The following RYR2 variants were observed in gnomAD, a reference collection of about 807,000 sequenced individuals.
RYR2 encodes the protein cardiac muscle ryanodine receptor-calcium release channel.
Under a neutral mutation model 601.1 loss-of-function variants are expected in RYR2, and 227 were observed. The observed-to-expected ratio is 0.38, with a 90% CI of 0.34 to 0.42. The LOEUF (loss-of-function observed/expected upper bound fraction) is 0.42, where lower values mean the gene tolerates loss of function less well. Among genes scored for constraint, RYR2 ranks in the 10% least tolerant of loss-of-function variants. The probability of loss-of-function intolerance (pLI) is 1.00; values close to 1 mark genes in which losing one functional copy is unlikely to be tolerated. For missense variants in RYR2, 4,646 were observed against 6,156.5 expected (o/e 0.75, Z 8.21); for synonymous variants, 2,223 against 2,175.1 (o/e 1.02, Z -0.61).
intron 1 of RYR2, among the ~76,000 whole-genome samples, chr1:237,190,498 A>G (rs1443644120): frequency 6.6e-6 from 1 of 152,134 alleles, no homozygotes; most frequent in African/African-American, 2.4e-5. Context: ...CTGGGTATTA[A>G]TTCCTTATCA....
At chr1:237,246,736 A>G (rs1352817670) in intron 1 of RYR2, among the ~76,000 whole-genome samples, 1 of 151,784 alleles carries the variant, frequency 6.6e-6, no homozygotes, top group Non-Finnish European at 1.5e-5. Flanking sequence ...CTCTCCTTTC[A>G]TATATTTTTG....
At chr1:237,491,153 G>C (rs1045413643) in intron 17 of RYR2, among the ~76,000 whole-genome samples, 1 of 152,040 alleles carries the variant, frequency 6.6e-6, no homozygotes, top group African/African-American at 2.4e-5. Flanking sequence ...TTTTGTGGTG[G>C]CTAGTACCTA....
chr1:237,102,921 CAAAACCATTT>C (rs1183083290), intron 1 of RYR2, among the ~76,000 whole-genome samples: 1 of 152,104 alleles, frequency 6.6e-6, no homozygotes, highest in African/African-American at 2.4e-5. Context: ...TAAAACTTAT[CAAAACCATTT>C]AAAACGATAC....
intron 42 of RYR2, among the ~76,000 whole-genome samples, chr1:237,633,027 G>T (rs1218692130): frequency 6.6e-6 from 1 of 152,032 alleles, no homozygotes; most frequent in East Asian, 1.9e-4. Context: ...AAACATGCAG[G>T]CCTTCCAGTC....
chr1:237,373,937 A>G (rs1173083920), intron 6 of RYR2, among the ~76,000 whole-genome samples: 2 of 152,252 alleles, frequency 1.3e-5, no homozygotes, highest in Non-Finnish European at 2.9e-5. Context: ...ACTACATTGT[A>G]CTTTTGCAGA....
intron 35 of RYR2, among the ~76,000 whole-genome samples, chr1:237,609,949 A>G (rs559580731): frequency 1.3e-5 from 2 of 151,832 alleles, no homozygotes; most frequent in South Asian, 2.1e-4. Flanking sequence ...TTCCCCGCCT[A>G]TTGTTAGAGG....
At chr1:237,597,608 G>T (rs1474261229) in intron 34 of RYR2, among the ~76,000 whole-genome samples, 3 of 151,812 alleles carry the variant, frequency 2.0e-5, no homozygotes. Context: ...GCAACCAAAT[G>T]TATCAGCTTA....
intron 1 of RYR2, among the ~76,000 whole-genome samples, chr1:237,248,953 C>T (rs568604490): frequency 6.6e-5 from 10 of 152,086 alleles, no homozygotes; most frequent in African/African-American, 9.6e-5. Context: ...TTAGTAGAGA[C>T]GGGGTTTCTC....
At chr1:237,445,339 C>T in intron 13 of RYR2, 62 bp from the exon 14 acceptor site, 2 of 1,603,146 alleles carry the variant, frequency 1.2e-6, no homozygotes, top group South Asian at 1.1e-5. Context: ...GTACACATCT[C>T]CCTAACTCTA....
At chr1:237,061,308 T>C (rs1420736708) in intron 1 of RYR2, among the ~76,000 whole-genome samples, 1 of 148,908 alleles carries the variant, frequency 6.7e-6, no homozygotes, top group Non-Finnish European at 1.5e-5. Context: ...TCTATCTATC[T>C]ATCTATCTAT....
chr1:237,417,471 C>G lies in RYR2; in HGVS notation c.848+348C>G, dbSNP rs572960021. Among the ~76,000 whole-genome samples the G allele has an allele frequency of 9.2e-5, 14 of 152,292 alleles. 1 individual carries two copies. The South Asian group carries it at 2.7e-3, about 29-fold the overall frequency. On this transcript the variant is annotated intron_variant, in intron 11 of 104. Coordinates refer to ENST00000366574, the MANE Select transcript of RYR2 (RefSeq NM_001035.3). ...AGTGATGTAAGATTTGGAGACACGA[C>G]AAGTTCTTTGCAAGCCTGTCGCACA...
chr1:237,504,823 G>A (rs1298687131), intron 22 of RYR2, among the ~76,000 whole-genome samples: 3 of 152,070 alleles, frequency 2.0e-5, no homozygotes, highest in Admixed American at 6.5e-5. Context: ...ATTTTTCCAC[G>A]AGCCGGTGGG....
At chr1:237,656,180 G>A (rs946613433) in intron 53 of RYR2, among the ~76,000 whole-genome samples, 196 bp downstream of exon 53, 1 of 151,978 alleles carries the variant, frequency 6.6e-6, no homozygotes, top group South Asian at 2.1e-4. Flanking sequence ...TAGATAAGAT[G>A]TACCTTCTAG....
chr1:237,763,235 T>G (rs1454571625), intron 84 of RYR2, among the ~76,000 whole-genome samples: 1 of 152,220 alleles, frequency 6.6e-6, no homozygotes, highest in African/African-American at 2.4e-5. Flanking sequence ...GCCCAGCGTC[T>G]GCAACTGTTG....
chr1:237,644,863 C>A (rs1168114610), intron 48 of RYR2, among the ~76,000 whole-genome samples: 1 of 152,026 alleles, frequency 6.6e-6, no homozygotes, highest in Non-Finnish European at 1.5e-5. Flanking sequence ...AAAACCCCAT[C>A]TCTACTAAAA....
intron 2 of RYR2, among the ~76,000 whole-genome samples, chr1:237,328,287 G>A (rs996521254): frequency 5.3e-5 from 8 of 152,016 alleles, no homozygotes; most frequent in African/African-American, 1.5e-4. Context: ...TTTTACATTA[G>A]CATTTGTCTT....
At chr1:237,383,083 A>T (rs1701670793) in intron 8 of RYR2, among the ~76,000 whole-genome samples, 1 of 152,186 alleles carries the variant, frequency 6.6e-6, no homozygotes, top group African/African-American at 2.4e-5. Context: ...GCATCAGATA[A>T]GGGTTCAATT....
intron 1 of RYR2, among the ~76,000 whole-genome samples, chr1:237,192,466 C>T (rs549528922): frequency 2.6e-5 from 4 of 152,334 alleles, no homozygotes; most frequent in East Asian, 1.9e-4. Context: ...CCACCGGCCT[C>T]GGCCTCCCGA....
At chr1:237,331,189 A>T (rs528141944) in intron 3 of RYR2, among the ~76,000 whole-genome samples, 5 of 152,130 alleles carry the variant, frequency 3.3e-5, no homozygotes, top group African/African-American at 7.2e-5. Flanking sequence ...GCTTGATGTG[A>T]TCTGTGTCAC....
Sources: allele counts gnomAD v4.1 joint callset (sites outside exome capture counted in the v4.1 genomes callset), GRCh38; gene constraint gnomAD v4.1.1; transcripts MANE v1.5; gene names NCBI Gene and HGNC (gene_info 2026-07-23, HGNC 2026-07-21).